Variants in MYH14 observed in about 807,000 individuals in gnomAD.
The protein encoded by MYH14 is myosin heavy chain 14.
Under a neutral mutation model 255.5 loss-of-function variants are expected in MYH14, and 123 were observed. That is an observed-to-expected ratio of 0.48 (90% confidence interval 0.42 to 0.56). The LOEUF (loss-of-function observed/expected upper bound fraction) is 0.56, where lower values mean the gene tolerates loss of function less well. Among genes scored for constraint, MYH14 ranks in the 20% least tolerant of loss-of-function variants. The pLI, the probability that MYH14 is intolerant of heterozygous loss-of-function variation, is 0.00. For synonymous variants in MYH14, 1,095 were observed against 1,161.2 expected (o/e 0.94, Z 1.16); for missense variants, 2,423 against 2,802.3 (o/e 0.86, Z 3.06).
chr19:50,254,613 G>A (rs950867482), intron 16 of MYH14, among the ~76,000 whole-genome samples: 5 of 152,134 alleles, frequency 3.3e-5, no homozygotes. Context: ...AGTAGCTGGG[G>A]AGCTGCCATA....
Position 50,286,524 on chromosome 19 carries a change from G to A in MYH14, c.4582G>A (p.Glu1528Lys), listed in dbSNP as rs944541812. Residue 1528 changes from glutamate (E) to lysine (K), a missense_variant, in exon 34 of 43, where the codon GAA becomes AAA. Coordinates refer to ENST00000642316, the MANE Select transcript of MYH14 (RefSeq NM_001145809.2). ...GGCAGCTGTACTTCGGGCAGTGGAG[G>A]AACGTGAGCGGGCCGAGGCAGAGGG... is the stretch of plus-strand genomic sequence containing the variant. Reference protein sequence around the residue: ...EKAAVLRAVEERERAEAEGRE... With the variant: ...EKAAVLRAVEKRERAEAEGRE... 10 of 1,613,580 alleles carry A rather than the reference G, an allele frequency of 6.2e-6. No individual in the cohort carries two copies. The highest frequency in any genetic ancestry group is 7.6e-6 in the Non-Finnish European group (9 of 1,179,742).
intron 16 of MYH14, among the ~76,000 whole-genome samples, chr19:50,254,545 C>A (rs1236821272): frequency 6.6e-6 from 1 of 152,188 alleles, no homozygotes; most frequent in Non-Finnish European, 1.5e-5. Flanking sequence ...GTGCCTGACT[C>A]TCAGAGGGTT....
chr19:50,214,852 A>C (rs1388721847), intron 2 of MYH14, among the ~76,000 whole-genome samples: 1 of 152,150 alleles, frequency 6.6e-6, no homozygotes, highest in African/African-American at 2.4e-5. Flanking sequence ...AAGAGTCTCC[A>C]GACCCATATC....
rs368124508 is a variant in MYH14, at chr19:50,231,982, G to T, written c.1026G>T (p.Pro342=). The stretch of plus-strand genomic sequence containing the variant: ...ACTACCGGTTCCTGACCAACGGGCC[G>T]TCATCCTCTCCCGGCCAGGAGCGGG... The part of the protein sequence containing the change: ...CSHYRFLTNG[P]SSSPGQEREL... Residue 342 remains proline (P), a synonymous_variant, in exon 10 of 43, where the codon CCG becomes CCT. Coordinates refer to ENST00000642316, the MANE Select transcript of MYH14 (RefSeq NM_001145809.2). The T allele has an allele frequency of 6.2e-7, 1 of 1,613,896 alleles. No homozygotes were observed. The highest frequency in any genetic ancestry group is 8.5e-7 in the Non-Finnish European group (1 of 1,179,900).
intron 3 of MYH14, among the ~76,000 whole-genome samples, chr19:50,219,328 A>G (rs2032684459): frequency 6.6e-6 from 1 of 151,818 alleles, no homozygotes; most frequent in African/African-American, 2.4e-5. Flanking sequence ...ATCAAATGAT[A>G]TATCTACTTT....
intron 29 of MYH14, among the ~76,000 whole-genome samples, chr19:50,277,396 A>G (rs1178461773): frequency 6.6e-6 from 1 of 152,140 alleles, no homozygotes; most frequent in East Asian, 1.9e-4. Flanking sequence ...ACTTGAGGCC[A>G]GGAGTTCGAG....
rs183024691 is a variant in MYH14 at position 50,230,837 on chromosome 19, T to A, written c.973+214T>A. On this transcript the variant is annotated intron_variant, in intron 9 of 42. Transcript: ENST00000642316. This position sits in a 1 kb window ranked among gnomAD's most constrained non-coding sequence, Gnocchi z 4.7. ...GCTCTGGTTCCAGCTCTGTCCCGGG[T>A]CTGGCTCGCGCCCGCTGTCACGGCC... 1.8e-6 allele frequency: 1 copy of A among 551,532 alleles called. No individual in the cohort carries two copies. The highest frequency in any genetic ancestry group is 3.0e-5 in the East Asian group (1 of 33,360). 34.2% of individuals were successfully genotyped at this position (551,532 alleles called of 1,614,324 possible).
chr19:50,274,083 G>T (rs556071835), intron 27 of MYH14, among the ~76,000 whole-genome samples: 1 of 152,080 alleles, frequency 6.6e-6, no homozygotes, highest in East Asian at 1.9e-4. Flanking sequence ...TTAGTGTGAG[G>T]GTTAAAGAAG....
intron 8 of MYH14, among the ~76,000 whole-genome samples, chr19:50,228,767 T>G (rs1051771198): frequency 1.3e-5 from 2 of 152,220 alleles, no homozygotes; most frequent in East Asian, 1.9e-4. Context: ...CACTTTCTCC[T>G]GTCCACGCTC....
At chr19:50,241,711 T>C (rs966142610) in intron 10 of MYH14, among the ~76,000 whole-genome samples, 5 of 151,816 alleles carry the variant, frequency 3.3e-5, no homozygotes, top group Non-Finnish European at 7.4e-5. Context: ...GGTGCAATCA[T>C]GGCTCACTGC....
At chr19:50,238,264 G>A (rs2033747701) in intron 10 of MYH14, among the ~76,000 whole-genome samples, 1 of 152,170 alleles carries the variant, frequency 6.6e-6, no homozygotes, top group Non-Finnish European at 1.5e-5. Context: ...GGCATCAGAT[G>A]CGCCCTGGGG....
chr19:50,285,729 T>C (rs2035869183), intron 33 of MYH14: 3 of 152,250 alleles, frequency 2.0e-5, no homozygotes, highest in Non-Finnish European at 4.4e-5. Context: ...TGCTTGTATG[T>C]ATGACTGCTT....
rs777166138 is a variant in MYH14 at position 50,252,753 on chromosome 19, G to GGTGA, written c.1945+2_1945+5dup. The GGTGA allele has an allele frequency of 6.3e-7, 1 of 1,576,652 alleles. No individual in the cohort carries two copies. The highest frequency in any genetic ancestry group is 1.4e-5 in the African/African-American group (1 of 73,878). On this transcript the variant is annotated frameshift_variant and splice_region_variant. Coordinates refer to ENST00000642316, the MANE Select transcript of MYH14 (RefSeq NM_001145809.2). LOFTEE classifies it high-confidence loss of function. The surrounding 1 kb of genome is among the most constrained non-coding windows in gnomAD (Gnocchi z 4.2). ...GCTGACGGCAGAGATCTGGAAAGAC[G>GGTGA]GTGAGGACCCACTTCCCCCACCCCG...
At chr19:50,212,650 C>T (rs949314478) in intron 2 of MYH14, among the ~76,000 whole-genome samples, 4 of 152,154 alleles carry the variant, frequency 2.6e-5, no homozygotes, top group Admixed American at 6.6e-5. Context: ...GTTCACAAAG[C>T]GGAAGATTAG....
At chr19:50,243,096 C>G (rs2033952677) in intron 10 of MYH14, among the ~76,000 whole-genome samples, 1 of 152,016 alleles carries the variant, frequency 6.6e-6, no homozygotes, top group South Asian at 2.1e-4. Flanking sequence ...GCGAATGAGT[C>G]AGTAGTATAT....
At chr19:50,228,366 C>T (rs2033210854) in intron 8 of MYH14, among the ~76,000 whole-genome samples, 1 of 151,950 alleles carries the variant, frequency 6.6e-6, no homozygotes, top group African/African-American at 2.4e-5. Flanking sequence ...AATTACTAAT[C>T]AATAACATTA....
At chr19:50,234,250 C>A (rs2033553188) in intron 10 of MYH14, among the ~76,000 whole-genome samples, 10 of 152,122 alleles carry the variant, frequency 6.6e-5, no homozygotes, top group Admixed American at 6.5e-4. Flanking sequence ...GTGGTGTAGA[C>A]ATGATTCAAC....
rs1044111114 is a variant in MYH14 at position 50,276,655 on chromosome 19, A to G, written c.3681-102A>G. ...CTGAGGAGCATAACATGAGGCCCTC[A>G]TATTTTAAGGAAACATGAAAAGGAG... is the stretch of plus-strand genomic sequence containing the variant. On this transcript the variant is annotated intron_variant, in intron 28 of 42. Transcript: ENST00000642316. The surrounding 1 kb of genome is among the most constrained non-coding windows in gnomAD (Gnocchi z 4.3). 6 of 1,491,160 alleles carry G rather than the reference A, an allele frequency of 4.0e-6. No homozygotes were observed. The East Asian group carries it at 9.0e-5, about 22-fold the overall frequency. 92.4% of individuals were successfully genotyped at this position (1,491,160 alleles called of 1,614,324 possible). A position where few individuals can be genotyped will look rare whatever the true frequency, so the allele number is the denominator to read the frequency against.
chr19:50,271,569 G>A, intron 25 of MYH14, 23 bp downstream of exon 25: 3 of 1,597,366 alleles, frequency 1.9e-6, no homozygotes, highest in Non-Finnish European at 2.6e-6. Flanking sequence ...AGGGCAGCTG[G>A]GAAAGTGGGG....
Sources: gnomAD v4.1 joint callset for allele counts (sites outside exome capture counted in the v4.1 genomes callset) on GRCh38, gnomAD v4.1.1 for gene constraint, Gnocchi (gnomAD v3.1) non-coding constraint, MANE v1.5 for transcripts, NCBI Gene and HGNC (gene_info 2026-07-23, HGNC 2026-07-21) for gene names.